The following COL5A2 variants were observed in gnomAD, a reference collection of about 807,000 sequenced individuals.
COL5A2 encodes collagen type V alpha 2 chain.
Under a neutral mutation model 208.2 loss-of-function variants are expected in COL5A2, and 23 were observed. That is an observed-to-expected ratio of 0.11 (90% CI 0.08 to 0.16). The LOEUF (loss-of-function observed/expected upper bound fraction) is 0.16, where lower values mean the gene tolerates loss of function less well. COL5A2 is among the 10% of genes least tolerant of loss of function. The pLI, the probability that COL5A2 is intolerant of heterozygous loss-of-function variation, is 1.00. For synonymous variants in COL5A2, 625 were observed against 628.5 expected (o/e 0.99, Z 0.08); for missense variants, 1,590 against 1,956.4 (o/e 0.81, Z 3.53).
At chr2:189,274,131 AT>A in the COL5A2 span, among the ~76,000 whole-genome samples, 3,916 of 152,216 alleles carry the variant, frequency 0.026, 177 homozygotes, top group African/African-American at 0.09. Context: ...AATTTTGTCA[AT>A]AAAAATATTT....
chr2:189,060,442 TTGTCCATAAC>T (rs531742174), intron 31 of COL5A2, among the ~76,000 whole-genome samples: 51 of 152,306 alleles, frequency 3.3e-4, no homozygotes, highest in Admixed American at 2.1e-3. Flanking sequence ...TTGTTAGTAT[TTGTCCATAAC>T]TGTTTATATA....
the COL5A2 span, among the ~76,000 whole-genome samples, chr2:189,340,657 T>C: frequency 3.3e-4 from 50 of 152,328 alleles, no homozygotes; most frequent in African/African-American, 8.2e-4. Context: ...TTTTCCACAA[T>C]AGTCCCTGGG....
the COL5A2 span, among the ~76,000 whole-genome samples, chr2:189,413,529 G>A: frequency 8.5e-5 from 13 of 152,282 alleles, no homozygotes; most frequent in East Asian, 7.7e-4. Flanking sequence ...AAGATAAGGT[G>A]TGCATTGCAG....
At chr2:189,243,052 G>T in the COL5A2 span, among the ~76,000 whole-genome samples, 1 of 152,118 alleles carries the variant, frequency 6.6e-6, no homozygotes, top group Admixed American at 6.5e-5. Context: ...CCTCTGAATG[G>T]ACCAAGAAAA....
chr2:189,068,410 T>A (rs1263415116), intron 19 of COL5A2, 140 bp from the exon 20 acceptor site: 3 of 764,548 alleles, frequency 3.9e-6, no homozygotes, highest in Non-Finnish European at 6.7e-6. Context: ...ATCATAAAAA[T>A]TACTTTTTTG....
the COL5A2 span, among the ~76,000 whole-genome samples, chr2:189,364,843 A>G: frequency 6.6e-6 from 1 of 152,242 alleles, no homozygotes; most frequent in South Asian, 2.1e-4. Context: ...AAAAGACTTC[A>G]GGTAAAAACT....
At chr2:189,156,377 T>C (rs1190862283) in intron 1 of COL5A2, among the ~76,000 whole-genome samples, 1 of 152,192 alleles carries the variant, frequency 6.6e-6, no homozygotes, top group Non-Finnish European at 1.5e-5. Context: ...AGTTTTGATA[T>C]ATACTGACAA....
At chr2:189,121,198 CTTTAA>C (rs1294749952) in intron 1 of COL5A2, among the ~76,000 whole-genome samples, 1 of 151,352 alleles carries the variant, frequency 6.6e-6, no homozygotes, top group East Asian at 2.0e-4. Context: ...TATTTCCTTT[CTTTAA>C]TTTATTGTTT....
chr2:189,160,412 C>T (rs779178484), intron 1 of COL5A2, among the ~76,000 whole-genome samples: 1 of 152,100 alleles, frequency 6.6e-6, no homozygotes, highest in Non-Finnish European at 1.5e-5. Flanking sequence ...CAATCTTTAT[C>T]CCCCCTTTTT....
intron 23 of COL5A2, among the ~76,000 whole-genome samples, chr2:189,065,451 C>T (rs934799852): frequency 1.3e-5 from 2 of 151,948 alleles, no homozygotes; most frequent in African/African-American, 4.8e-5. Context: ...ATTTCTTGAA[C>T]CTTGGACGCA....
chr2:189,438,250 T>C, the COL5A2 span, among the ~76,000 whole-genome samples: 20 of 151,642 alleles, frequency 1.3e-4, no homozygotes, highest in African/African-American at 3.9e-4. Context: ...ACTAAAACTT[T>C]CATACATTAC....
At chr2:189,062,382 C>G (rs1018499986) in intron 29 of COL5A2, among the ~76,000 whole-genome samples, 1 of 151,944 alleles carries the variant, frequency 6.6e-6, no homozygotes, top group Non-Finnish European at 1.5e-5. Flanking sequence ...CAGGGTTTCA[C>G]CATGTTGGCC....
the COL5A2 span, among the ~76,000 whole-genome samples, chr2:189,315,958 T>A: frequency 5.9e-5 from 9 of 152,086 alleles, no homozygotes; most frequent in African/African-American, 1.4e-4. Context: ...AAGTCAAAAA[T>A]AATAGATGCT....
At chr2:189,086,335 C>A (rs1429532792) in intron 9 of COL5A2, among the ~76,000 whole-genome samples, 8 of 152,162 alleles carry the variant, frequency 5.3e-5, no homozygotes, top group Non-Finnish European at 1.0e-4. Context: ...ATGGAACAAA[C>A]ATCTTGATTC....
chr2:189,331,257 G>A, the COL5A2 span, among the ~76,000 whole-genome samples: 2 of 152,162 alleles, frequency 1.3e-5, no homozygotes, highest in Non-Finnish European at 2.9e-5. Context: ...CAGGCCAGGT[G>A]CAGTGGCTCA....
the COL5A2 span, among the ~76,000 whole-genome samples, chr2:189,269,449 G>T: frequency 6.6e-6 from 1 of 152,158 alleles, no homozygotes; most frequent in Non-Finnish European, 1.5e-5. Context: ...TAGGATGAAA[G>T]CGCGTTGAAT....
At chr2:189,213,918 A>G (rs1689247035) in intron 1 of COL5A2, among the ~76,000 whole-genome samples, 1 of 152,190 alleles carries the variant, frequency 6.6e-6, no homozygotes, top group South Asian at 2.1e-4. Flanking sequence ...GTATAGTGAC[A>G]AGGCTATTTG....
chr2:189,433,273 T>C, the COL5A2 span, among the ~76,000 whole-genome samples: 1 of 151,938 alleles, frequency 6.6e-6, no homozygotes, highest in Non-Finnish European at 1.5e-5. Context: ...TTAAAAGAAC[T>C]AGAGAAGCAA....
the COL5A2 span, among the ~76,000 whole-genome samples, chr2:189,269,278 G>A: frequency 1.3e-5 from 2 of 152,016 alleles, no homozygotes; most frequent in Non-Finnish European, 2.9e-5. Flanking sequence ...CAATTTCCCA[G>A]AACTTCCAAT....
Sources: allele counts gnomAD v4.1 joint callset (sites outside exome capture counted in the v4.1 genomes callset), GRCh38; gene constraint gnomAD v4.1.1; transcripts MANE v1.5; gene names NCBI Gene and HGNC (gene_info 2026-07-23, HGNC 2026-07-21).